Variants in CSRNP3 observed in about 807,000 individuals in gnomAD.
The protein encoded by CSRNP3 is cysteine/serine-rich nuclear protein 3.
In CSRNP3, 12 loss-of-function variants were observed where a neutral mutation model predicts 48.0. That is an observed-to-expected ratio of 0.25 (90% CI 0.16 to 0.41). CSRNP3 has a LOEUF of 0.41. Among genes scored for constraint, CSRNP3 ranks in the 10% least tolerant of loss-of-function variants. The pLI, the probability that CSRNP3 is intolerant of heterozygous loss-of-function variation, is 1.00. For missense variants in CSRNP3, 580 were observed against 724.4 expected (o/e 0.80, Z 2.29); for synonymous variants, 263 against 269.7 (o/e 0.98, Z 0.24).
intron 4 of CSRNP3, among the ~76,000 whole-genome samples, chr2:165,655,621 T>C (rs73031630): frequency 5.3e-5 from 8 of 152,282 alleles, no homozygotes; most frequent in Non-Finnish European, 1.2e-4. Context: ...GATGACTTAC[T>C]ACAGCAGAAA....
Position 165,679,523 on chromosome 2 carries a change from G to T in CSRNP3, c.1528G>T (p.Asp510Tyr). 6.2e-7 allele frequency: 1 copy of T among 1,613,752 alleles called. No homozygotes were observed. The highest frequency in any genetic ancestry group is 8.5e-7 in the Non-Finnish European group (1 of 1,179,940). The stretch of plus-strand genomic sequence containing the variant: ...CGTTTGCTGCTCCTCTTCCGAAAAT[G>T]ATAGCGGTGTGCCCTGCAATAGTTT... ...VIVCCSSSEN[D>Y]SGVPCNSLYP... Residue 510 changes from aspartate to tyrosine, a missense_variant, in exon 7 of 7, where the codon GAT becomes TAT. Around this residue, in one of 4 missense-constraint regions of CSRNP3, gnomAD observed 369 missense variants for 380.8 expected, o/e 0.97. Coordinates refer to ENST00000651982, the MANE Select transcript of CSRNP3 (RefSeq NM_001172173.2).
chr2:165,599,301 G>GAAAGA (rs1685866329), intron 4 of CSRNP3, among the ~76,000 whole-genome samples: 1 of 147,202 alleles, frequency 6.8e-6, no homozygotes, highest in Non-Finnish European at 1.5e-5. Context: ...AAGAAAGAAA[G>GAAAGA]AAAGAAAGAA....
intron 5 of CSRNP3, among the ~76,000 whole-genome samples, chr2:165,658,522 G>T (rs1236709648): frequency 6.6e-6 from 1 of 152,132 alleles, no homozygotes; most frequent in Non-Finnish European, 1.5e-5. Flanking sequence ...AGGCAAAGAG[G>T]ATTGGCAAGA....
At chr2:165,645,342 T>A (rs1007564570) in intron 4 of CSRNP3, among the ~76,000 whole-genome samples, 5 of 148,936 alleles carry the variant, frequency 3.4e-5, no homozygotes, top group African/African-American at 1.3e-4. Flanking sequence ...CTCAAAAAAA[T>A]AAAAATAAAT....
rs182393603 is a variant in CSRNP3 at position 165,685,158 on chromosome 2, T to A, written c.*5405T>A. 16 of 152,192 alleles carry A rather than the reference T, an allele frequency of 1.1e-4. No homozygotes were observed. The East Asian group carries it at 3.1e-3, about 29-fold the overall frequency. 9.4% of individuals were successfully genotyped at this position (152,192 alleles called of 1,614,324 possible). ...TGTCAAAAGTAAAAAGTGCAGACAT[T>A]TAAAAAAGCTCTTCTTTCACATTTT... is the stretch of plus-strand genomic sequence containing the variant. On this transcript the variant is annotated 3_prime_UTR_variant, in exon 7 of 7. Transcript: ENST00000651982.
chr2:165,600,560 AG>A (rs1685897441), intron 4 of CSRNP3, among the ~76,000 whole-genome samples: 1 of 152,186 alleles, frequency 6.6e-6, no homozygotes, highest in South Asian at 2.1e-4. Flanking sequence ...ACAGTGTAAA[AG>A]TGTTCCTATT....
intron 4 of CSRNP3, among the ~76,000 whole-genome samples, chr2:165,603,882 G>A (rs190189894): frequency 3.3e-4 from 50 of 152,192 alleles, no homozygotes; most frequent in African/African-American, 1.2e-3. Flanking sequence ...CCTATTTCAT[G>A]TACAGCAGAG....
At chr2:165,492,191 C>G (rs993778962) in intron 1 of CSRNP3, among the ~76,000 whole-genome samples, 2 of 152,058 alleles carry the variant, frequency 1.3e-5, no homozygotes, top group African/African-American at 4.8e-5. Flanking sequence ...TTCCTTTTTC[C>G]CATCACTTCT....
At chr2:165,639,235 A>G (rs1368116818) in intron 4 of CSRNP3, among the ~76,000 whole-genome samples, 1 of 152,178 alleles carries the variant, frequency 6.6e-6, no homozygotes, top group African/African-American at 2.4e-5. Context: ...AAACGTGCAA[A>G]TAATGTGGCA....
In CSRNP3 at chr2:165,658,104, G is replaced by A. The variant is rs76022415; in HGVS notation, c.408+84G>A. On this transcript the variant is annotated intron_variant, in intron 5 of 6. Coordinates refer to ENST00000651982, the MANE Select transcript of CSRNP3 (RefSeq NM_001172173.2). ...TAACCATTTTCATATTTATAATCAC[G>A]AAACAAACTGGGCACTTTACATAAC... The A allele has an allele frequency of 1.2e-3, 1,749 of 1,426,732 alleles. 17 individuals are homozygous for A. In the African/African-American group the frequency reaches 0.022, roughly 18 times the overall value. 88.4% of individuals were successfully genotyped at this position (1,426,732 alleles called of 1,614,324 possible). A position where few individuals can be genotyped will look rare whatever the true frequency, so the allele number is the denominator to read the frequency against.
chr2:165,620,482 C>T (rs1046280585), intron 4 of CSRNP3, among the ~76,000 whole-genome samples: 1 of 151,944 alleles, frequency 6.6e-6, no homozygotes, highest in Non-Finnish European at 1.5e-5. Context: ...TATTAAAAAA[C>T]CATTGCCACC....
chr2:165,611,992 A>C (rs962208981), intron 4 of CSRNP3, among the ~76,000 whole-genome samples: 4 of 152,130 alleles, frequency 2.6e-5, no homozygotes, highest in African/African-American at 9.6e-5. Context: ...ATAGTGCCCC[A>C]AAAGTAAAAA....
intron 3 of CSRNP3, among the ~76,000 whole-genome samples, chr2:165,538,572 C>A (rs1008929284): frequency 2.6e-5 from 4 of 151,862 alleles, no homozygotes; most frequent in African/African-American, 7.2e-5. Context: ...ACTGAAAGAG[C>A]CATTGTGTGG....
chr2:165,682,701 C>A lies in CSRNP3; in HGVS notation c.*2948C>A, dbSNP rs779488435. 2 of 152,066 alleles carry A rather than the reference C, an allele frequency of 1.3e-5. No homozygotes were observed. The highest frequency in any genetic ancestry group is 4.8e-5 in the African/African-American group (2 of 41,426). The allele number at this position is 152,066 out of a possible 1,614,324, so 9.4% of individuals were successfully genotyped here. ...AGAAAAGCTGAGAGAGCACACTGTT[C>A]CAGCTGACTTTTTTTTCCATTAATA... On this transcript the variant is annotated 3_prime_UTR_variant, in exon 7 of 7. Coordinates refer to ENST00000651982, the MANE Select transcript of CSRNP3 (RefSeq NM_001172173.2).
At chr2:165,593,444 G>T (rs116709692) in intron 3 of CSRNP3, among the ~76,000 whole-genome samples, 2,097 of 152,220 alleles carry the variant, frequency 0.014, 55 homozygotes, top group African/African-American at 0.048. Context: ...GTAGATCTGG[G>T]ATGGGAGCTG....
At chr2:165,608,107 C>T (rs1325353157) in intron 4 of CSRNP3, among the ~76,000 whole-genome samples, 3 of 150,394 alleles carry the variant, frequency 2.0e-5, no homozygotes, top group East Asian at 2.0e-4. Flanking sequence ...TAAGTTTAAT[C>T]GAATATTTTA....
At chr2:165,575,828 C>A (rs1213950217) in intron 3 of CSRNP3, among the ~76,000 whole-genome samples, 2 of 151,878 alleles carry the variant, frequency 1.3e-5, no homozygotes, top group Non-Finnish European at 2.9e-5. Flanking sequence ...TGACATTTAT[C>A]CAGGATCCTG....
chr2:165,489,937 G>T (rs1684179582), intron 1 of CSRNP3, among the ~76,000 whole-genome samples: 1 of 151,224 alleles, frequency 6.6e-6, no homozygotes, highest in African/African-American at 2.4e-5. Context: ...AGTGTTGGAA[G>T]TTCTGGCCAG....
intron 2 of CSRNP3, among the ~76,000 whole-genome samples, chr2:165,505,359 A>C (rs1684412263): frequency 6.6e-6 from 1 of 152,160 alleles, no homozygotes; most frequent in Non-Finnish European, 1.5e-5. Context: ...AGGTTTCAGG[A>C]GGCAAATAGA....
Sources: gnomAD v4.1 joint callset for allele counts (sites outside exome capture counted in the v4.1 genomes callset) on GRCh38, gnomAD v4.1.1 for gene constraint, gnomAD v4.1.1 regional missense constraint, MANE v1.5 for transcripts, NCBI Gene and HGNC (gene_info 2026-07-23, HGNC 2026-07-21) for gene names.